ASB3: variants seen among roughly 807,000 people sequenced by gnomAD.
ASB3 encodes the protein ankyrin repeat and SOCS box protein 3.
ASB3 carries 41 observed loss-of-function variants against 54.5 expected under a neutral mutation model. The ratio of observed to expected loss-of-function variants is 0.75; its 90% confidence interval spans 0.59 to 0.98. The LOEUF (loss-of-function observed/expected upper bound fraction) is 0.98, where lower values mean the gene tolerates loss of function less well. Ranked by LOEUF, ASB3 falls within the 50% of genes least tolerant of loss-of-function variation. The pLI is 0.00. For synonymous variants in ASB3, 266 were observed against 221.2 expected (o/e 1.20, Z -1.80); for missense variants, 733 against 620.0 (o/e 1.18, Z -1.94).
At chr2:53,675,862 T>G (rs1362683072) in intron 9 of ASB3, among the ~76,000 whole-genome samples, 1 of 152,188 alleles carries the variant, frequency 6.6e-6, no homozygotes, top group Non-Finnish European at 1.5e-5. Flanking sequence ...CATCTCCACA[T>G]AGCAAAAGTT....
Position 53,696,817 on chromosome 2 carries a change from G to A in ASB3, c.1239-2803C>T, listed in dbSNP as rs79160827. On this transcript the variant is annotated intron_variant, in intron 8 of 9. Transcript: ENST00000263634. ...TAGGTATTATAAGTAATCTAGAGATGACAAAGTATATGGGAGGAAGTGCAT... is the reference window on the plus strand; with the variant it reads ...TAGGTATTATAAGTAATCTAGAGATAACAAAGTATATGGGAGGAAGTGCAT... Among the ~76,000 whole-genome samples the A allele has an allele frequency of 6.2e-4, 94 of 152,302 alleles. No homozygotes were observed. The East Asian group carries it at 0.018, about 28-fold the overall frequency.
Position 53,700,447 on chromosome 2 carries a change from C to G in ASB3, c.1062G>C (p.Lys354Asn). The G allele has an allele frequency of 6.2e-7, 1 of 1,614,118 alleles. No individual in the cohort carries two copies. Among genetic ancestry groups the G allele is most frequent in the Non-Finnish European group, 8.5e-7 (1 of 1,180,000 alleles). The part of the protein sequence containing the change: ...INELHLAYCL[K>N]YEKFSIFRYF... ...AGCGAAATATCGAAAACTTCTCGTA[C>G]TTCAGGCAGTATGCCAAATGAAGTT... Residue 354 changes from lysine to asparagine, a missense_variant, in exon 8 of 10, where the codon AAG (lysine) becomes AAC (asparagine). Transcript: ENST00000263634.
At chr2:53,722,953 C>T (rs1411347257) in intron 5 of ASB3, among the ~76,000 whole-genome samples, 1 of 152,132 alleles carries the variant, frequency 6.6e-6, no homozygotes, top group Non-Finnish European at 1.5e-5. Flanking sequence ...GCAGACTCCA[C>T]AAAAAGGCTC....
At chr2:53,747,353 C>T (rs1672282453) in intron 3 of ASB3, among the ~76,000 whole-genome samples, 1 of 152,136 alleles carries the variant, frequency 6.6e-6, no homozygotes, top group Non-Finnish European at 1.5e-5. Context: ...CCAGATTAGC[C>T]TGGCCAACAT....
intron 6 of ASB3, among the ~76,000 whole-genome samples, chr2:53,715,219 A>C (rs1485835673): frequency 6.6e-6 from 1 of 152,166 alleles, no homozygotes; most frequent in African/African-American, 2.4e-5. Context: ...AAAAGTTCTT[A>C]GGTTATTTGT....
chr2:53,699,011 A>C (rs763669548), intron 8 of ASB3, among the ~76,000 whole-genome samples: 1 of 152,190 alleles, frequency 6.6e-6, no homozygotes, highest in Non-Finnish European at 1.5e-5. Flanking sequence ...CTATAACTCA[A>C]TACCTGAGAC....
chr2:53,768,746 T>G (rs1282355916), intron 1 of ASB3, among the ~76,000 whole-genome samples: 1 of 152,246 alleles, frequency 6.6e-6, no homozygotes, highest in Non-Finnish European at 1.5e-5. Context: ...TGATTCACTT[T>G]TCAGTCAGTC....
intron 7 of ASB3, among the ~76,000 whole-genome samples, chr2:53,703,721 A>G (rs1206076532): frequency 6.6e-6 from 1 of 152,228 alleles, no homozygotes; most frequent in Non-Finnish European, 1.5e-5. Flanking sequence ...TCAATAGTGC[A>G]AGAAAGTCCA....
At chr2:53,733,447 T>C (rs1419788298) in intron 3 of ASB3, among the ~76,000 whole-genome samples, 1 of 56,668 alleles carries the variant, frequency 1.8e-5, no homozygotes, top group Non-Finnish European at 3.2e-5. Flanking sequence ...TCCACTTCCT[T>C]TTTTTTTTTT....
At chr2:53,690,353 TA>T (rs1668847404) in intron 9 of ASB3, among the ~76,000 whole-genome samples, 1 of 152,212 alleles carries the variant, frequency 6.6e-6, no homozygotes, top group South Asian at 2.1e-4. Flanking sequence ...ACAGATATTC[TA>T]AAATCTAGCT....
intron 5 of ASB3, among the ~76,000 whole-genome samples, chr2:53,726,617 C>T (rs890945875): frequency 6.6e-6 from 1 of 151,030 alleles, no homozygotes; most frequent in African/African-American, 2.4e-5. Context: ...CATATATATA[C>T]ACACATATAT....
rs193165448 is a variant in ASB3 at position 53,697,559 on chromosome 2, G to C, written c.1238+2712C>G. Among the ~76,000 whole-genome samples, 3 of 152,232 alleles carry C rather than the reference G, an allele frequency of 2.0e-5. No homozygotes were observed. In the East Asian group the frequency reaches 5.8e-4, roughly 29 times the overall value. On this transcript the variant is annotated intron_variant, in intron 8 of 9. Coordinates refer to ENST00000263634, the MANE Select transcript of ASB3 (RefSeq NM_016115.5). ...AGATTTTGGTATCTGAGGGGGATGAGACTCAAGGCATAATTTACCTTAAAT... is the reference window on the plus strand; with the variant it reads ...AGATTTTGGTATCTGAGGGGGATGACACTCAAGGCATAATTTACCTTAAAT...
At chr2:53,705,315 G>A (rs1245198194) in intron 7 of ASB3, among the ~76,000 whole-genome samples, 1 of 152,012 alleles carries the variant, frequency 6.6e-6, no homozygotes, top group Admixed American at 6.5e-5. Flanking sequence ...CCTTTCGATA[G>A]CACAAAAACA....
At chr2:53,761,698 G>T (rs114212008) in intron 2 of ASB3, among the ~76,000 whole-genome samples, 2,837 of 152,246 alleles carry the variant, frequency 0.019, 29 homozygotes, top group Middle Eastern at 0.054. Flanking sequence ...GGACTTCTCA[G>T]CTCCCATAAT....
chr2:53,774,808 CA>C (rs1674219564), intron 1 of ASB3: 1 of 253,886 alleles, frequency 3.9e-6, no homozygotes, highest in South Asian at 1.3e-4. Flanking sequence ...TTGTTTTTAT[CA>C]GAGTGATAAT....
At chr2:53,773,619 C>T (rs969405150) in intron 1 of ASB3, among the ~76,000 whole-genome samples, 4 of 151,806 alleles carry the variant, frequency 2.6e-5, no homozygotes, top group Non-Finnish European at 4.4e-5. Context: ...TTAGTAAAGA[C>T]GGGGTTTCAC....
At chr2:53,675,543 G>A (rs1344995660) in intron 9 of ASB3, among the ~76,000 whole-genome samples, 3 of 152,092 alleles carry the variant, frequency 2.0e-5, no homozygotes, top group Non-Finnish European at 4.4e-5. Context: ...GCTGAAATAA[G>A]GTCTAAATGG....
chr2:53,696,755 C>T (rs533828882), intron 8 of ASB3, among the ~76,000 whole-genome samples: 1 of 152,162 alleles, frequency 6.6e-6, no homozygotes, highest in Admixed American at 6.5e-5. Flanking sequence ...ATTTAAAATA[C>T]AGTACAACAA....
At chr2:53,723,413 G>C (rs538795654) in intron 5 of ASB3, among the ~76,000 whole-genome samples, 57 of 152,168 alleles carry the variant, frequency 3.7e-4, no homozygotes, top group African/African-American at 1.3e-3. Context: ...TGATTTGTGA[G>C]ATTCTGGTGC....
Sources: gnomAD v4.1 joint callset for allele counts (sites outside exome capture counted in the v4.1 genomes callset) on GRCh38, gnomAD v4.1.1 for gene constraint, MANE v1.5 for transcripts, NCBI Gene and HGNC (gene_info 2026-07-23, HGNC 2026-07-21) for gene names.